Variants in OVCH1 observed in about 807,000 individuals in gnomAD.
OVCH1 encodes ovochymase-1.
Under a neutral mutation model 138.4 loss-of-function variants are expected in OVCH1, and 139 were observed. The observed-to-expected ratio is 1.00, with a 90% CI of 0.87 to 1.16. The LOEUF (loss-of-function observed/expected upper bound fraction) is 1.16. Among genes scored for constraint, OVCH1 ranks in the 50% most tolerant of loss-of-function variants. OVCH1 has a pLI of 0.00. For synonymous variants in OVCH1, 453 were observed against 467.8 expected (o/e 0.97, Z 0.41); for missense variants, 1,367 against 1,357.9 (o/e 1.01, Z -0.11).
At chr12:29,491,998 G>C (rs1943286074) in intron 4 of OVCH1, among the ~76,000 whole-genome samples, 1 of 152,130 alleles carries the variant, frequency 6.6e-6, no homozygotes, top group Non-Finnish European at 1.5e-5. Flanking sequence ...ATTTGTGTTT[G>C]TGTGTTGGGT....
downstream of OVCH1, among the ~76,000 whole-genome samples, chr12:29,425,224 T>A (rs1412034810): frequency 6.6e-6 from 1 of 152,170 alleles, no homozygotes; most frequent in East Asian, 1.9e-4. Flanking sequence ...TGGAAATGAT[T>A]CTGTCTTTGG....
chr12:29,409,901 A>AG (rs1491126310), downstream of OVCH1, among the ~76,000 whole-genome samples: 1 of 152,090 alleles, frequency 6.6e-6, no homozygotes, highest in Non-Finnish European at 1.5e-5. Flanking sequence ...TACTGTTGAC[A>AG]GTGGGGTGTT....
intron 22 of OVCH1, among the ~76,000 whole-genome samples, chr12:29,451,120 C>G (rs1199654913): frequency 1.3e-5 from 2 of 151,918 alleles, no homozygotes; most frequent in African/African-American, 4.8e-5. Flanking sequence ...ACCTTTGTAA[C>G]AAACCTGCAT....
At chr12:29,489,263 G>GA (rs943548874) in intron 6 of OVCH1, among the ~76,000 whole-genome samples, 26 of 151,812 alleles carry the variant, frequency 1.7e-4, no homozygotes, top group African/African-American at 3.1e-4. Flanking sequence ...TGCACCAAAG[G>GA]AAAAAAAATC....
At chr12:29,497,184 A>G (rs1353106124) in intron 1 of OVCH1, among the ~76,000 whole-genome samples, 5 of 152,136 alleles carry the variant, frequency 3.3e-5, no homozygotes, top group Non-Finnish European at 7.4e-5. Flanking sequence ...CAGGAGGATC[A>G]CATTAGCCCT....
At chr12:29,496,950 T>C (rs1943434691) in intron 1 of OVCH1, among the ~76,000 whole-genome samples, 1 of 152,134 alleles carries the variant, frequency 6.6e-6, no homozygotes, top group Non-Finnish European at 1.5e-5. Flanking sequence ...GGGCTTACTC[T>C]GGGAAGATGC....
intron 7 of OVCH1, 49 bp from the exon 8 acceptor site, chr12:29,486,397 A>G (rs774483716): frequency 1.0e-4 from 138 of 1,380,904 alleles, no homozygotes; most frequent in Non-Finnish European, 1.3e-4. Flanking sequence ...TAATCATTTA[A>G]ATAAAACATT....
intron 3 of OVCH1, among the ~76,000 whole-genome samples, chr12:29,417,598 C>T (rs1311937570): frequency 6.6e-6 from 1 of 151,696 alleles, no homozygotes; most frequent in Non-Finnish European, 1.5e-5. Context: ...ATATTGGGTG[C>T]CTGTACTATT....
chr12:29,426,851 T>C (rs993297415), downstream of OVCH1, among the ~76,000 whole-genome samples: 1 of 152,228 alleles, frequency 6.6e-6, no homozygotes, highest in African/African-American at 2.4e-5. Flanking sequence ...CTGTCCAATA[T>C]GGTAGTCACT....
intron 3 of OVCH1, among the ~76,000 whole-genome samples, chr12:29,421,175 C>G (rs1414620568): frequency 6.6e-6 from 1 of 152,236 alleles, no homozygotes; most frequent in African/African-American, 2.4e-5. Context: ...ACCAACCAAC[C>G]TAGGCTCTCC....
At chr12:29,437,471 TATC>T (rs1467463280) in intron 26 of OVCH1, among the ~76,000 whole-genome samples, 2 of 152,182 alleles carry the variant, frequency 1.3e-5, no homozygotes, top group African/African-American at 2.4e-5. Context: ...ATGGGTGAAT[TATC>T]ATAAGGGTGA....
intron 26 of OVCH1, among the ~76,000 whole-genome samples, chr12:29,438,018 A>G (rs1331777916): frequency 6.6e-6 from 1 of 152,078 alleles, no homozygotes; most frequent in African/African-American, 2.4e-5. Flanking sequence ...AATCCCATGT[A>G]TTTGCTTTTT....
intron 25 of OVCH1, chr12:29,439,538 C>G (rs1941434312): frequency 7.7e-7 from 1 of 1,298,574 alleles, no homozygotes; most frequent in Non-Finnish European, 9.9e-7. Context: ...ATCTCTATCT[C>G]TACTACAACT....
chr12:29,485,973 T>TA (rs147298972), intron 8 of OVCH1, among the ~76,000 whole-genome samples: 111 of 14,552 alleles, frequency 7.6e-3, no homozygotes, highest in Admixed American at 0.027. Flanking sequence ...TAAAATAAAA[T>TA]AAATAAATAA....
At chr12:29,484,305 T>C (rs192993607) in intron 8 of OVCH1, among the ~76,000 whole-genome samples, 1 of 152,322 alleles carries the variant, frequency 6.6e-6, no homozygotes, top group Admixed American at 6.5e-5. Flanking sequence ...ACAGAATTAA[T>C]CACTAAATCC....
At chr12:29,440,787 A>C (rs1423974062) in intron 25 of OVCH1, 43 bp from the exon 26 acceptor site, 1 of 454,790 alleles carries the variant, frequency 2.2e-6, no homozygotes, top group African/African-American at 2.0e-5. Flanking sequence ...TACTTCTAGG[A>C]TGGTATTGTA....
rs1199722525 is a variant in OVCH1 at position 29,443,356 on chromosome 12, G to A, written c.3157+5C>T. 5.0e-6 allele frequency: 8 copies of A among 1,608,688 alleles called. No homozygotes were observed. The highest frequency in any genetic ancestry group is 5.9e-6 in the Non-Finnish European group (7 of 1,177,334). ...TAGCATAGAGATTCATGGGAAATCA[G>A]TTACCTATTAATTTTTTTCCTGGTC... On this transcript the variant is annotated splice_donor_5th_base_variant and intron_variant, in intron 25 of 27. Transcript: ENST00000318184.
At chr12:29,420,453 A>T (rs1941086946) in intron 3 of OVCH1, among the ~76,000 whole-genome samples, 1 of 136,146 alleles carries the variant, frequency 7.3e-6, no homozygotes, top group South Asian at 2.5e-4. Flanking sequence ...TTAGTCACTT[A>T]TTTTAAAAAG....
chr12:29,406,995 A>T, the OVCH1 span, among the ~76,000 whole-genome samples: 1 of 151,298 alleles, frequency 6.6e-6, no homozygotes, highest in Non-Finnish European at 1.5e-5. Context: ...AATGATTGCC[A>T]TTCTAACTGG....
Sources: gnomAD v4.1 joint callset for allele counts (sites outside exome capture counted in the v4.1 genomes callset) on GRCh38, gnomAD v4.1.1 for gene constraint, MANE v1.5 for transcripts, NCBI Gene and HGNC (gene_info 2026-07-23, HGNC 2026-07-21) for gene names.